Variants in OPRM1 observed in about 807,000 individuals in gnomAD.
The protein encoded by OPRM1 is mu-type opioid receptor.
A neutral mutation model predicts 31.8 loss-of-function variants in OPRM1; 27 were observed. That is an observed-to-expected ratio of 0.85 (90% CI 0.63 to 1.17). The LOEUF is 1.17. OPRM1 is among the 50% of genes most tolerant of loss of function. The pLI is 0.00. For missense variants in OPRM1, 536 were observed against 511.1 expected (o/e 1.05, Z -0.47); for synonymous variants, 196 against 189.9 (o/e 1.03, Z -0.26).
chr6:154,174,393 A>G (rs1232023041), intron 3 of OPRM1, among the ~76,000 whole-genome samples: 1 of 152,198 alleles, frequency 6.6e-6, no homozygotes, highest in Admixed American at 6.5e-5. Flanking sequence ...GGATAGAGTC[A>G]AGACCCATCA....
intron 1 of OPRM1, among the ~76,000 whole-genome samples, chr6:154,067,890 C>T (rs139263646): frequency 6.6e-6 from 1 of 152,160 alleles, no homozygotes; most frequent in East Asian, 1.9e-4. Flanking sequence ...CTTTCTTTGT[C>T]ACTTGTAAAC....
Position 154,087,496 on chromosome 6 carries a change from C to T in OPRM1, c.291-2330C>T, listed in dbSNP as rs534637331. ...GCTTCAGGTGTGGGGTTCTCTCTCACGCTCTCAAATCCACATCCTCCGGAT... is the reference window on the plus strand; with the variant it reads ...GCTTCAGGTGTGGGGTTCTCTCTCATGCTCTCAAATCCACATCCTCCGGAT... On this transcript the variant is annotated intron_variant, in intron 1 of 3. Coordinates refer to ENST00000330432, the MANE Select transcript of OPRM1 (RefSeq NM_000914.5). The T allele has an allele frequency of 1.8e-5, 18 of 985,448 alleles. No individual in the cohort carries two copies. In the East Asian group the frequency reaches 3.4e-4, roughly 19 times the overall value. The allele number at this position is 985,448 out of a possible 1,614,324, so 61.0% of individuals were successfully genotyped here.
intron 1 of OPRM1, among the ~76,000 whole-genome samples, chr6:154,049,470 C>A (rs945413802): frequency 3.3e-5 from 5 of 152,254 alleles, no homozygotes; most frequent in African/African-American, 1.2e-4. Context: ...CACACAGGTC[C>A]TCAAATGACT....
At chr6:154,143,113 C>T (rs570037239) in intron 3 of OPRM1, among the ~76,000 whole-genome samples, 67 of 152,284 alleles carry the variant, frequency 4.4e-4, no homozygotes, top group African/African-American at 1.5e-3. Context: ...CTAACATAGA[C>T]ATACATATAT....
Position 154,120,175 on chromosome 6 carries a change from TC to T in OPRM1, c.*1456del, listed in dbSNP as rs1248885084. On this transcript the variant is annotated 3_prime_UTR_variant, in exon 4 of 4. Transcript: ENST00000330432. ...AACTAGGCTGCTGACTTCTGAGTAT[TC>T]CTGAGCCTACAATTGTAAAATTGTA... 7.2e-5 allele frequency among the ~76,000 whole-genome samples: 11 copies of T among 152,200 alleles called. 1 individual carries two copies. Among genetic ancestry groups the T allele is most frequent in the African/African-American group, 2.7e-4 (11 of 41,448 alleles).
chr6:154,046,835 A>T (rs1433975830), intron 1 of OPRM1: 6 of 152,190 alleles, frequency 3.9e-5, no homozygotes, highest in African/African-American at 1.4e-4. Flanking sequence ...GGACTAAAAA[A>T]ATCTTAAACG....
At chr6:154,039,933 A>T in intron 1 of OPRM1, 99 bp downstream of exon 1, 1 of 1,138,738 alleles carries the variant, frequency 8.8e-7, no homozygotes, top group Non-Finnish European at 1.2e-6. Context: ...CGGGAGGATG[A>T]AAGAGGGGAG....
chr6:154,142,248 A>T (rs78038983), intron 3 of OPRM1, among the ~76,000 whole-genome samples: 2,073 of 54,910 alleles, frequency 0.038, 40 homozygotes, highest in South Asian at 0.12. Context: ...TGCCCCTCTA[A>T]AATAACAATA....
At chr6:154,206,046 T>G (rs375710749) in intron 3 of OPRM1, among the ~76,000 whole-genome samples, 148 of 152,242 alleles carry the variant, frequency 9.7e-4, no homozygotes, top group African/African-American at 3.4e-3. Flanking sequence ...GGAGACTTTA[T>G]TCTCAAAAGC....
At chr6:154,196,950 A>G (rs1776669478) in intron 3 of OPRM1, among the ~76,000 whole-genome samples, 1 of 152,228 alleles carries the variant, frequency 6.6e-6, no homozygotes, top group Non-Finnish European at 1.5e-5. Flanking sequence ...AACTGCAAAA[A>G]TATTTCTTTC....
intron 3 of OPRM1, among the ~76,000 whole-genome samples, chr6:154,117,213 A>C (rs112600927): frequency 4.1e-4 from 63 of 152,314 alleles, no homozygotes; most frequent in African/African-American, 1.5e-3. Flanking sequence ...AATCCAGCTT[A>C]TGAGTTCTTG....
chr6:154,133,051 G>T (rs1797966234), downstream of OPRM1, among the ~76,000 whole-genome samples: 2 of 151,898 alleles, frequency 1.3e-5, no homozygotes, highest in Admixed American at 6.6e-5. Flanking sequence ...AACCCGGGAG[G>T]CGGAGCTTGC....
intron 3 of OPRM1, among the ~76,000 whole-genome samples, chr6:154,100,320 C>G (rs932473572): frequency 7.0e-6 from 1 of 143,844 alleles, no homozygotes; most frequent in African/African-American, 2.6e-5. Flanking sequence ...AGAGCTCATG[C>G]AAGCCCAGTC....
intron 3 of OPRM1, among the ~76,000 whole-genome samples, chr6:154,152,347 G>GAAAGAAAAGAAAAGAAA: frequency 1.5e-5 from 1 of 65,132 alleles, no homozygotes; most frequent in African/African-American, 5.6e-5. Context: ...AAGAAAGAAA[G>GAAAGAAAAGAAAAGAAA]GAAAGAAAGA....
chr6:154,190,103 T>C (rs9479786), intron 3 of OPRM1, among the ~76,000 whole-genome samples: 9,404 of 152,256 alleles, frequency 0.062, 357 homozygotes, highest in African/African-American at 0.085. Flanking sequence ...CCTATACTTA[T>C]ATTGACTCAG....
chr6:154,024,660 T>G (rs1206065903), intron 1 of OPRM1, among the ~76,000 whole-genome samples: 1 of 151,622 alleles, frequency 6.6e-6, no homozygotes, highest in Admixed American at 6.6e-5. Context: ...TTTTTTTTTT[T>G]AATGTAGGCA....
At chr6:154,229,220 G>A (rs944894219) in intron 3 of OPRM1, among the ~76,000 whole-genome samples, 1 of 152,162 alleles carries the variant, frequency 6.6e-6, no homozygotes, top group Non-Finnish European at 1.5e-5. Flanking sequence ...TATTTATAAG[G>A]TGTGGAATAA....
intron 3 of OPRM1, among the ~76,000 whole-genome samples, chr6:154,195,233 C>T (rs375875289): frequency 2.0e-5 from 3 of 150,742 alleles, no homozygotes; most frequent in African/African-American, 4.9e-5. Context: ...CTGCAATCTC[C>T]GCCTCCAGGG....
chr6:154,152,383 A>AG (rs1798557993), intron 3 of OPRM1, among the ~76,000 whole-genome samples: 1 of 150,758 alleles, frequency 6.6e-6, no homozygotes, highest in South Asian at 2.1e-4. Context: ...AAAGAAAGAA[A>AG]GAAAGAAAGA....
Sources: allele counts gnomAD v4.1 joint callset (sites outside exome capture counted in the v4.1 genomes callset), GRCh38; gene constraint gnomAD v4.1.1; transcripts MANE v1.5; gene names NCBI Gene and HGNC (gene_info 2026-07-23, HGNC 2026-07-21).